Variants in C16orf96 observed in about 807,000 individuals in gnomAD.
C16orf96 encodes chromosome 16 open reading frame 96.
In C16orf96, 108 loss-of-function variants were observed where a neutral mutation model predicts 103.6. That is an observed-to-expected ratio of 1.04 (90% CI 0.89 to 1.22). The LOEUF is 1.22. Among genes scored for constraint, C16orf96 ranks in the 50% most tolerant of loss-of-function variants. C16orf96 has a pLI of 0.00. For synonymous variants in C16orf96, 566 were observed against 593.5 expected (o/e 0.95, Z 0.67); for missense variants, 1,586 against 1,464.2 (o/e 1.08, Z -1.36).
chr16:4,600,660 C>T lies in C16orf96; in HGVS notation c.*343C>T. 2.9e-6 allele frequency: 1 copy of T among 344,868 alleles called. No homozygotes were observed. Among genetic ancestry groups the T allele is most frequent in the Admixed American group, 4.4e-5 (1 of 22,698 alleles). 21.4% of individuals were successfully genotyped at this position (344,868 alleles called of 1,614,324 possible). A position where few individuals can be genotyped will look rare whatever the true frequency, so the allele number is the denominator to read the frequency against. ...GGGGTCTGTGTAGGGGACCCCCATGCTGACCCAGTGGCTGTTTTATCCTGT... is the reference window on the plus strand; with the variant it reads ...GGGGTCTGTGTAGGGGACCCCCATGTTGACCCAGTGGCTGTTTTATCCTGT... On this transcript the variant is annotated 3_prime_UTR_variant, in exon 16 of 16. Transcript: ENST00000444310.
intron 2 of C16orf96, among the ~76,000 whole-genome samples, chr16:4,571,901 G>A (rs1198946559): frequency 1.3e-5 from 2 of 150,552 alleles, no homozygotes; most frequent in African/African-American, 2.4e-5. Flanking sequence ...CCAGGATGGA[G>A]TGCAATGGCA....
At chr16:4,587,188 C>A in intron 8 of C16orf96, 75 bp downstream of exon 8, 3 of 1,345,802 alleles carry the variant, frequency 2.2e-6, no homozygotes, top group Admixed American at 2.0e-5. Flanking sequence ...CAAAGCCCAC[C>A]AAAGAGTCTT....
At chr16:4,587,250 G>C (rs1016447513) in intron 8 of C16orf96, 137 bp downstream of exon 8, 1 of 820,140 alleles carries the variant, frequency 1.2e-6, no homozygotes, top group Non-Finnish European at 1.9e-6. Flanking sequence ...TTGGCTGGGC[G>C]CAGTGGCTCA....
the C16orf96 span, among the ~76,000 whole-genome samples, chr16:4,541,376 T>C: frequency 6.6e-6 from 1 of 152,248 alleles, no homozygotes; most frequent in Non-Finnish European, 1.5e-5. Context: ...CATTCATTCA[T>C]GGACATAACG....
chr16:4,551,444 G>C (rs2059226976), upstream of C16orf96, among the ~76,000 whole-genome samples: 1 of 151,976 alleles, frequency 6.6e-6, no homozygotes, highest in African/African-American at 2.4e-5. Context: ...CTCCATTTCG[G>C]GACTTTTGTT....
rs1464939177 is a variant in C16orf96 at position 4,575,991 on chromosome 16, A to G, written c.1511A>G (p.His504Arg). Reference sequence around the variant, plus strand: ...GATGTGGACCCCAAGGATAGAGCTCACAAGGATGATGTCCCCAAAGATAGA... The same window carrying G: ...GATGTGGACCCCAAGGATAGAGCTCGCAAGGATGATGTCCCCAAAGATAGA... Reference protein sequence around the residue: ...GKDVDPKDRAHKDDVPKDRGG... With the variant: ...GKDVDPKDRARKDDVPKDRGG... Residue 504 changes from histidine to arginine, a missense_variant, in exon 5 of 16, where the codon CAC (histidine) becomes CGC (arginine). By Grantham distance (29) the His-to-Arg change is conservative (BLOSUM62 0). Transcript: ENST00000444310. The G allele has an allele frequency of 1.3e-6, 2 of 1,546,400 alleles. No individual in the cohort carries two copies. The highest frequency in any genetic ancestry group is 1.7e-6 in the Non-Finnish European group (2 of 1,144,146).
intron 14 of C16orf96, 39 bp downstream of exon 14, chr16:4,594,842 G>A: frequency 6.5e-7 from 1 of 1,540,206 alleles, no homozygotes; most frequent in Non-Finnish European, 8.8e-7. Context: ...CCTTGCCTGG[G>A]GCCCTGGTTC....
In C16orf96 at chr16:4,578,854, T is replaced by C. The variant is rs2059546271; in HGVS notation, c.2156-86T>C. 9 of 972,766 alleles carry C rather than the reference T, an allele frequency of 9.3e-6. No homozygotes were observed. The South Asian group carries it at 1.3e-4, about 14-fold the overall frequency. 60.3% of individuals were successfully genotyped at this position (972,766 alleles called of 1,614,324 possible). On this transcript the variant is annotated intron_variant, in intron 5 of 15. Transcript: ENST00000444310. ...TTCCACTGGGCAGTGCTGCCTGAGA[T>C]GCTCCATAAGAGAAGCAGCTAGAGC...
At chr16:4,581,119 T>C (rs2141733713) in intron 7 of C16orf96, among the ~76,000 whole-genome samples, 1 of 134,790 alleles carries the variant, frequency 7.4e-6, no homozygotes, top group Admixed American at 8.0e-5. Flanking sequence ...AGCAAAACTC[T>C]GTCTAAAAAT....
rs1375422779 is a variant in C16orf96, at chr16:4,593,972, T to C, written c.2868-379T>C. On this transcript the variant is annotated intron_variant, in intron 12 of 15. Transcript: ENST00000444310. This position sits in a 1 kb window ranked among gnomAD's most constrained non-coding sequence, Gnocchi z 4.2. The stretch of plus-strand genomic sequence containing the variant: ...AGCCTCCAACCCTGCTGTGGGGACG[T>C]CTGGCCAGGTGGGGGAAGAACCGGT... 2.6e-5 allele frequency among the ~76,000 whole-genome samples: 4 copies of C among 152,076 alleles called. No individual in the cohort carries two copies. Among genetic ancestry groups the C allele is most frequent in the Non-Finnish European group, 4.4e-5 (3 of 68,000 alleles).
chr16:4,588,569 G>A (rs1334904955), intron 9 of C16orf96, among the ~76,000 whole-genome samples: 1 of 152,126 alleles, frequency 6.6e-6, no homozygotes, highest in East Asian at 1.9e-4. Flanking sequence ...TCCCTCACAT[G>A]GCTGTTGGTA....
chr16:4,577,435 C>T (rs1297374587), intron 5 of C16orf96, among the ~76,000 whole-genome samples: 1 of 151,810 alleles, frequency 6.6e-6, no homozygotes, highest in Non-Finnish European at 1.5e-5. Flanking sequence ...GAGGCCAAGG[C>T]AGGCAGATAC....
rs556277857 is a variant in C16orf96, at chr16:4,571,841, CTTTCT to C, written c.525+190_525+194del. On this transcript the variant is annotated intron_variant, in intron 2 of 15. Coordinates refer to ENST00000444310, the MANE Select transcript of C16orf96 (RefSeq NM_001145011.2). ...CCGACTTCTCTGTGACCCCTCCATG[CTTTCT>C]TTTCTTTTCTTTTTTTTTTTTAAGA... Among the ~76,000 whole-genome samples, 313 of 151,848 alleles carry C rather than the reference CTTTCT, an allele frequency of 2.1e-3. 5 individuals are homozygous for C. The highest frequency in any genetic ancestry group is 7.3e-3 in the African/African-American group (301 of 41,452).
chr16:4,577,724 G>C (rs1402196087), intron 5 of C16orf96, among the ~76,000 whole-genome samples: 7 of 152,210 alleles, frequency 4.6e-5, no homozygotes, highest in Non-Finnish European at 1.5e-5. Context: ...GGGAGGATGA[G>C]GCAGGTGGAT....
At chr16:4,586,476 C>T (rs967346530) in intron 7 of C16orf96, among the ~76,000 whole-genome samples, 4 of 152,160 alleles carry the variant, frequency 2.6e-5, no homozygotes, top group East Asian at 3.8e-4. Context: ...AACTATGGCC[C>T]GACCCTCTGG....
At chr16:4,580,700 G>C (rs999833013) in intron 7 of C16orf96, among the ~76,000 whole-genome samples, 8 of 151,970 alleles carry the variant, frequency 5.3e-5, no homozygotes, top group Admixed American at 1.3e-4. Context: ...AAAAAATTTA[G>C]CTGGGACTGG....
At chr16:4,577,272 C>G (rs957794884) in intron 5 of C16orf96, among the ~76,000 whole-genome samples, 9 of 152,220 alleles carry the variant, frequency 5.9e-5, no homozygotes, top group African/African-American at 2.2e-4. Flanking sequence ...TGACTCATGC[C>G]TGTAATCTTA....
At chr16:4,579,843 T>A (rs1465371894) in intron 6 of C16orf96, among the ~76,000 whole-genome samples, 172 bp from the exon 7 acceptor site, 4 of 152,066 alleles carry the variant, frequency 2.6e-5, no homozygotes, top group Admixed American at 6.6e-5. Flanking sequence ...GCTCCTGACC[T>A]CAGTTGATCT....
At chr16:4,592,399 T>C in intron 11 of C16orf96, 32 bp downstream of exon 11, 2 of 1,551,002 alleles carry the variant, frequency 1.3e-6, no homozygotes, top group Non-Finnish European at 8.7e-7. Flanking sequence ...GCCCCGGCCC[T>C]AAGGGCTTGT....
Sources: allele counts gnomAD v4.1 joint callset (sites outside exome capture counted in the v4.1 genomes callset), GRCh38; gene constraint gnomAD v4.1.1; non-coding constraint Gnocchi (gnomAD v3.1); transcripts MANE v1.5; gene names NCBI Gene and HGNC (gene_info 2026-07-23, HGNC 2026-07-21).